Variants in CDH2 observed in about 807,000 individuals in gnomAD.
The protein encoded by CDH2 is cadherin 2.
In CDH2, 17 loss-of-function variants were observed where a neutral mutation model predicts 92.0. The observed-to-expected ratio is 0.18, with a 90% confidence interval of 0.13 to 0.28. The LOEUF (loss-of-function observed/expected upper bound fraction) is 0.28, where lower values mean the gene tolerates loss of function less well. Among genes scored for constraint, CDH2 ranks in the 10% least tolerant of loss-of-function variants. The pLI, the probability that CDH2 is intolerant of heterozygous loss-of-function variation, is 1.00. For missense variants in CDH2, 862 were observed against 1,133.1 expected (o/e 0.76, Z 3.44); for synonymous variants, 419 against 415.9 (o/e 1.01, Z -0.09).
At position 28,011,879 on chromosome 18, in the gene CDH2, G is replaced by A. The variant is rs747418682; in HGVS notation, c.513C>T (p.Asn171=). ...GCTCTTGAGGAAAAGGTCCCCTGGA[G>A]TTTTCTGGCAAGTTGATTGGAGGGA... ...WVIPPINLPE[N]SRGPFPQELV... Residue 171 remains asparagine, a synonymous_variant, in exon 4 of 16, where the codon AAC becomes AAT. Transcript: ENST00000269141. 2 of 1,614,096 alleles carry A rather than the reference G, an allele frequency of 1.2e-6. No homozygotes were observed. Among genetic ancestry groups the A allele is most frequent in the South Asian group, 2.2e-5 (2 of 91,082 alleles).
chr18:27,977,849 A>G (rs1220155), intron 14 of CDH2, among the ~76,000 whole-genome samples: 20,343 of 152,164 alleles, frequency 0.13, 1,923 homozygotes, highest in East Asian at 0.43. Flanking sequence ...TCACACCTGA[A>G]GGTACACACA....
chr18:27,933,638 C>A (rs776891414), intron 6 of CDH2, among the ~76,000 whole-genome samples: 3 of 152,180 alleles, frequency 2.0e-5, no homozygotes, highest in Admixed American at 6.6e-5. Flanking sequence ...TGAGGCCCAA[C>A]ATTGTGGCTT....
chr18:28,086,586 G>T (rs895577094), intron 2 of CDH2, among the ~76,000 whole-genome samples: 3 of 151,880 alleles, frequency 2.0e-5, no homozygotes, highest in African/African-American at 7.3e-5. Flanking sequence ...AGCTCTCTGG[G>T]GACACTGACC....
chr18:28,149,606 C>G (rs1238994411), intron 1 of CDH2, among the ~76,000 whole-genome samples: 1 of 151,926 alleles, frequency 6.6e-6, no homozygotes, highest in East Asian at 1.9e-4. Flanking sequence ...AAAATTTAAA[C>G]ACAAAAGATA....
At chr18:28,097,674 A>G (rs1167010986) in intron 2 of CDH2, among the ~76,000 whole-genome samples, 19 of 152,230 alleles carry the variant, frequency 1.2e-4, no homozygotes, top group Admixed American at 1.2e-3. Context: ...ATATACAAAT[A>G]CTATGCCATT....
chr18:28,063,289 T>C (rs1312364483), intron 2 of CDH2, among the ~76,000 whole-genome samples: 1 of 152,180 alleles, frequency 6.6e-6, no homozygotes, highest in Non-Finnish European at 1.5e-5. Context: ...CTGGAACATA[T>C]TCACCAATTG....
At chr18:28,065,807 G>A (rs981601319) in intron 2 of CDH2, among the ~76,000 whole-genome samples, 2 of 152,152 alleles carry the variant, frequency 1.3e-5, no homozygotes, top group Non-Finnish European at 1.5e-5. Context: ...GATCTCAGTA[G>A]TCCCTTAGGT....
At chr18:28,123,633 T>G (rs1024713082) in intron 2 of CDH2, among the ~76,000 whole-genome samples, 1 of 152,128 alleles carries the variant, frequency 6.6e-6, no homozygotes, top group Non-Finnish European at 1.5e-5. Flanking sequence ...ATAATTTTGA[T>G]CGTGCTTTAG....
chr18:28,028,997 G>T (rs2144078404), intron 2 of CDH2, among the ~76,000 whole-genome samples: 1 of 152,200 alleles, frequency 6.6e-6, no homozygotes, highest in African/African-American at 2.4e-5. Context: ...TATTATTTGT[G>T]AAATATTATC....
Position 27,952,077 on chromosome 18 carries a change from C to T in CDH2, c.*76G>A. The stretch of plus-strand genomic sequence containing the variant: ...TGCTAGTAGACTACAAAGTTAAAGC[C>T]TAGCTTCTGAATGCTTTTTGGGAAT... On this transcript the variant is annotated 3_prime_UTR_variant, in exon 16 of 16. Coordinates refer to ENST00000269141, the MANE Select transcript of CDH2 (RefSeq NM_001792.5). The T allele has an allele frequency of 3.1e-6, 4 of 1,310,420 alleles. No homozygotes were observed. The highest frequency in any genetic ancestry group is 4.6e-5 in the East Asian group (2 of 43,420). The allele number at this position is 1,310,420 out of a possible 1,614,324, so 81.2% of individuals were successfully genotyped here.
chr18:28,177,043 CGAAGAGCCG>C lies in CDH2; in HGVS notation c.-30_-22del, dbSNP rs773478339. On this transcript the variant is annotated 5_prime_UTR_variant, in exon 1 of 16. Transcript: ENST00000269141. ...CACATGGAGGCGGAGAGGGGCCGAG[CGAAGAGCCG>C]GAGGAGGCGGCGGCGGCGGCGGCGG... 1.4e-6 allele frequency: 2 copies of C among 1,472,586 alleles called. No homozygotes were observed. Among genetic ancestry groups the C allele is most frequent in the South Asian group, 2.5e-5 (2 of 78,482 alleles). The allele number at this position is 1,472,586 out of a possible 1,614,324, so 91.2% of individuals were successfully genotyped here.
intron 2 of CDH2, among the ~76,000 whole-genome samples, chr18:28,049,959 T>C (rs760699701): frequency 1.3e-5 from 2 of 152,148 alleles, no homozygotes; most frequent in African/African-American, 4.8e-5. Flanking sequence ...AGTAAATGCT[T>C]GAAATGTGCC....
intron 15 of CDH2, among the ~76,000 whole-genome samples, chr18:27,956,050 G>A (rs753788205): frequency 2.0e-5 from 3 of 152,160 alleles, no homozygotes; most frequent in African/African-American, 2.4e-5. Context: ...TAAAAAGATC[G>A]CACTGAAGTC....
intron 2 of CDH2, among the ~76,000 whole-genome samples, chr18:28,115,607 G>A (rs558035693): frequency 5.3e-5 from 8 of 152,082 alleles, no homozygotes; most frequent in South Asian, 4.1e-4. Flanking sequence ...AGATGGCTGC[G>A]GCCCTCATCC....
chr18:27,959,725 T>G (rs2011346964), intron 15 of CDH2, among the ~76,000 whole-genome samples: 1 of 152,330 alleles, frequency 6.6e-6, no homozygotes, highest in South Asian at 2.1e-4. Flanking sequence ...TCCTTAAAAC[T>G]ATCGTTTTGA....
At chr18:28,039,664 G>C (rs761704853) in intron 2 of CDH2, among the ~76,000 whole-genome samples, 2 of 152,100 alleles carry the variant, frequency 1.3e-5, no homozygotes, top group African/African-American at 2.4e-5. Context: ...TCAGTGCCAA[G>C]TCAGGATTTC....
chr18:27,970,801 A>G (rs568365294), intron 14 of CDH2, among the ~76,000 whole-genome samples: 1 of 152,338 alleles, frequency 6.6e-6, no homozygotes, highest in Admixed American at 6.5e-5. Context: ...CAGATAGTCC[A>G]TGTCACGATG....
intron 2 of CDH2, among the ~76,000 whole-genome samples, chr18:28,125,101 C>G (rs1397755938): frequency 1.3e-5 from 2 of 152,274 alleles, no homozygotes; most frequent in Admixed American, 6.5e-5. Context: ...GTACGTGAGA[C>G]ATTAGAAAAC....
intron 15 of CDH2, among the ~76,000 whole-genome samples, chr18:27,958,894 AG>A (rs1423555498): frequency 6.6e-6 from 1 of 152,128 alleles, no homozygotes; most frequent in Non-Finnish European, 1.5e-5. Context: ...TGCCATGTGA[AG>A]AAGAATGTGT....
Sources: allele counts gnomAD v4.1 joint callset (sites outside exome capture counted in the v4.1 genomes callset), GRCh38; gene constraint gnomAD v4.1.1; transcripts MANE v1.5; gene names NCBI Gene and HGNC (gene_info 2026-07-23, HGNC 2026-07-21).